Variants in N4BP2 observed in about 807,000 individuals in gnomAD.
N4BP2 encodes the protein NEDD4-binding protein 2.
N4BP2 carries 91 observed loss-of-function variants against 152.8 expected under a neutral mutation model. The observed-to-expected ratio is 0.60, with a 90% CI of 0.50 to 0.71. The LOEUF (loss-of-function observed/expected upper bound fraction) is 0.71, where lower values mean the gene tolerates loss of function less well. Ranked by LOEUF, N4BP2 falls within the 30% of genes least tolerant of loss-of-function variation. N4BP2 has a pLI of 0.00. For missense variants in N4BP2, 1,923 were observed against 2,059.1 expected (o/e 0.93, Z 1.28); for synonymous variants, 646 against 705.3 (o/e 0.92, Z 1.33).
chr4:40,159,094 A>G (rs906946444), downstream of N4BP2, among the ~76,000 whole-genome samples: 11 of 152,252 alleles, frequency 7.2e-5, no homozygotes, highest in Non-Finnish European at 1.0e-4. Flanking sequence ...ATAAAGCCAC[A>G]TAGACTTAGA....
intron 1 of N4BP2, among the ~76,000 whole-genome samples, chr4:40,057,357 C>A (rs997347463): frequency 6.6e-6 from 1 of 152,218 alleles, no homozygotes. Flanking sequence ...ACACCCCTCT[C>A]GACCCCCCGA....
intron 8 of N4BP2, among the ~76,000 whole-genome samples, chr4:40,118,864 A>G (rs1160485123): frequency 6.6e-6 from 1 of 152,246 alleles, no homozygotes; most frequent in African/African-American, 2.4e-5. Context: ...AATTGAATAA[A>G]TAAAAACAGC....
At chr4:40,081,478 T>G (rs540822982) in intron 2 of N4BP2, among the ~76,000 whole-genome samples, 19 of 151,522 alleles carry the variant, frequency 1.3e-4, no homozygotes, top group Non-Finnish European at 2.5e-4. Flanking sequence ...AAACCCTGTC[T>G]CTACTAAATA....
rs1294227475 is a variant in N4BP2 at position 40,131,788 on chromosome 4, GT to G, written c.4528-8del. On this transcript the variant is annotated splice_polypyrimidine_tract_variant and intron_variant, in intron 12 of 17. Coordinates refer to ENST00000261435, the MANE Select transcript of N4BP2 (RefSeq NM_018177.6). ...ATTTCATCTTGAACATGATTTTTAT[GT>G]TTTTGTTTTAGAAAAGGGAGACCCT... 3 of 1,575,266 alleles carry G rather than the reference GT, an allele frequency of 1.9e-6. No homozygotes were observed. Among genetic ancestry groups the G allele is most frequent in the Non-Finnish European group, 2.6e-6 (3 of 1,147,242 alleles).
At chr4:40,163,711 TTGA>T in the N4BP2 span, among the ~76,000 whole-genome samples, 2 of 152,198 alleles carry the variant, frequency 1.3e-5, no homozygotes, top group African/African-American at 4.8e-5. Flanking sequence ...CCCTCTGTTC[TTGA>T]TGATGTCATT....
chr4:40,101,650 G>A lies in N4BP2; in HGVS notation c.230-425G>A, dbSNP rs147924721. Among the ~76,000 whole-genome samples, 36 of 152,192 alleles carry A rather than the reference G, an allele frequency of 2.4e-4. No individual in the cohort carries two copies. The East Asian group carries it at 5.4e-3, about 23-fold the overall frequency. ...TTCATAGCGTGGATCATGTAAATAA[G>A]TTAGATTTACTAAGAGAATACATAA... On this transcript the variant is annotated intron_variant, in intron 3 of 17. Coordinates refer to ENST00000261435, the MANE Select transcript of N4BP2 (RefSeq NM_018177.6).
intron 2 of N4BP2, among the ~76,000 whole-genome samples, chr4:40,095,322 C>T (rs1003023290): frequency 6.6e-6 from 1 of 152,144 alleles, no homozygotes; most frequent in Non-Finnish European, 1.5e-5. Flanking sequence ...CTCAGGTGAT[C>T]CACCCACCTT....
chr4:40,175,338 G>GAA, the N4BP2 span, among the ~76,000 whole-genome samples: 26 of 103,724 alleles, frequency 2.5e-4, no homozygotes, highest in Non-Finnish European at 3.7e-4. Flanking sequence ...GTGAAATATA[G>GAA]AAAAAAAAAA....
rs75549942 is a variant in N4BP2 at position 40,113,878 on chromosome 4, C to T, written c.1664+370C>T. Among the ~76,000 whole-genome samples, 116 of 152,266 alleles carry T rather than the reference C, an allele frequency of 7.6e-4. 1 individual carries two copies. The East Asian group carries it at 0.019, about 25-fold the overall frequency. On this transcript the variant is annotated intron_variant, in intron 7 of 17. Transcript: ENST00000261435. ...AAGTGCTGGGACCACAGGTGTGAGC[C>T]ACCATGCCCAGCCTGTACTTTATTA...
intron 2 of N4BP2, among the ~76,000 whole-genome samples, chr4:40,096,570 A>G (rs547688545): frequency 3.3e-5 from 5 of 152,182 alleles, no homozygotes; most frequent in Non-Finnish European, 7.4e-5. Context: ...ATGATCCACC[A>G]TGTGGTTTAA....
intron 14 of N4BP2, among the ~76,000 whole-genome samples, chr4:40,141,339 T>A (rs1242929167): frequency 6.8e-6 from 1 of 147,756 alleles, no homozygotes; most frequent in African/African-American, 2.5e-5. Flanking sequence ...ACGGGGCGGC[T>A]TCCGGGCGGA....
the N4BP2 span, among the ~76,000 whole-genome samples, chr4:40,178,444 A>G: frequency 6.6e-6 from 1 of 152,170 alleles, no homozygotes; most frequent in Non-Finnish European, 1.5e-5. Flanking sequence ...AAAAGAAAAG[A>G]AAAACCTTCA....
chr4:40,094,376 G>A (rs1417159897), intron 2 of N4BP2, among the ~76,000 whole-genome samples: 3 of 152,074 alleles, frequency 2.0e-5, no homozygotes, highest in Non-Finnish European at 4.4e-5. Flanking sequence ...GTGTTGTTGA[G>A]TTCTATATAT....
chr4:40,097,153 A>G (rs1579013711), intron 2 of N4BP2, 74 bp from the exon 3 acceptor site: 1 of 539,984 alleles, frequency 1.9e-6, no homozygotes, highest in African/African-American at 1.9e-5. Context: ...CTTAGAGCTA[A>G]ATAAAGATGT....
intron 12 of N4BP2, among the ~76,000 whole-genome samples, chr4:40,128,399 T>C (rs1319511379): frequency 3.9e-5 from 6 of 152,236 alleles, no homozygotes; most frequent in Middle Eastern, 3.2e-3. Flanking sequence ...AGAAATATAC[T>C]GCCATTCCCA....
At chr4:40,179,369 C>CAACA in the N4BP2 span, among the ~76,000 whole-genome samples, 73 of 152,202 alleles carry the variant, frequency 4.8e-4, no homozygotes, top group East Asian at 2.3e-3. Context: ...GACTCCATCT[C>CAACA]AACAAACAAA....
intron 2 of N4BP2, among the ~76,000 whole-genome samples, chr4:40,094,305 G>A (rs1332111820): frequency 6.6e-6 from 1 of 152,122 alleles, no homozygotes; most frequent in African/African-American, 2.4e-5. Context: ...TGAAAAGAGT[G>A]TGTATTTTGC....
At chr4:40,136,896 A>C in intron 13 of N4BP2, 48 bp from the exon 14 acceptor site, 1 of 1,426,552 alleles carries the variant, frequency 7.0e-7, no homozygotes, top group Non-Finnish European at 9.7e-7. Context: ...GTCCCACACA[A>C]CTTATTTTCA....
intron 2 of N4BP2, among the ~76,000 whole-genome samples, chr4:40,076,605 C>G (rs1268477172): frequency 2.0e-5 from 3 of 152,032 alleles, no homozygotes; most frequent in Non-Finnish European, 4.4e-5. Context: ...TCTCCTGCCT[C>G]AGCCTCCCGA....
Sources: gnomAD v4.1 joint callset for allele counts (sites outside exome capture counted in the v4.1 genomes callset) on GRCh38, gnomAD v4.1.1 for gene constraint, MANE v1.5 for transcripts, NCBI Gene and HGNC (gene_info 2026-07-23, HGNC 2026-07-21) for gene names.